The following MYOM1 variants were observed in gnomAD, a reference collection of about 807,000 sequenced individuals.
The protein encoded by MYOM1 is myomesin-1.
MYOM1 carries 164 observed loss-of-function variants against 205.3 expected under a neutral mutation model. That is an observed-to-expected ratio of 0.80 (90% CI 0.70 to 0.91). The LOEUF is 0.91. MYOM1 is among the 40% of genes least tolerant of loss of function. The pLI, the probability that MYOM1 is intolerant of heterozygous loss-of-function variation, is 0.00. For missense variants in MYOM1, 2,011 were observed against 2,127.3 expected (o/e 0.95, Z 1.08); for synonymous variants, 772 against 789.4 (o/e 0.98, Z 0.37).
chr18:3,177,445 C>CATTATTATTATTATTATTATT (rs138933689), intron 5 of MYOM1, among the ~76,000 whole-genome samples: 5 of 139,262 alleles, frequency 3.6e-5, no homozygotes, highest in Admixed American at 1.4e-4. Flanking sequence ...GAAGCAATAT[C>CATTATTATTATTATTATTATT]ATTATTATTA....
At chr18:3,112,755 G>C (rs1188145390) in intron 21 of MYOM1, among the ~76,000 whole-genome samples, 4 of 152,168 alleles carry the variant, frequency 2.6e-5, no homozygotes, top group African/African-American at 9.7e-5. Context: ...TTGGTCAAAA[G>C]GACAAAATAC....
chr18:3,089,939 C>T (rs933984907), intron 27 of MYOM1, among the ~76,000 whole-genome samples: 8 of 152,166 alleles, frequency 5.3e-5, no homozygotes, highest in East Asian at 1.9e-4. Context: ...TTAGTAGATT[C>T]GGCAGGCACT....
intron 4 of MYOM1, 29 bp downstream of exon 4, chr18:3,188,719 G>C (rs1213857791): frequency 6.6e-7 from 1 of 1,506,360 alleles, no homozygotes; most frequent in Middle Eastern, 1.8e-4. Flanking sequence ...TTCCACCTTT[G>C]TAAGTTACTT....
rs113208283 is a variant in MYOM1, at chr18:3,097,666, C to G, written c.3727+2493G>C. Among the ~76,000 whole-genome samples, 724 of 152,244 alleles carry G rather than the reference C, an allele frequency of 4.8e-3. 6 individuals carry two copies. The highest frequency in any genetic ancestry group is 0.017 in the African/African-American group (695 of 41,548). Reference sequence around the variant, plus strand: ...AAGTGATCCTCCCGCCTTGGCTTTCCTAAGTGCTGGGATTACAGGCATGAG... The same window carrying G: ...AAGTGATCCTCCCGCCTTGGCTTTCGTAAGTGCTGGGATTACAGGCATGAG... On this transcript the variant is annotated intron_variant, in intron 25 of 37. Coordinates refer to ENST00000356443, the MANE Select transcript of MYOM1 (RefSeq NM_003803.4).
At chr18:3,080,940 T>C (rs2079078067) in intron 33 of MYOM1, among the ~76,000 whole-genome samples, 1 of 152,012 alleles carries the variant, frequency 6.6e-6, no homozygotes, top group Admixed American at 6.6e-5. Context: ...GAAACCAGCC[T>C]GGCCAGCATG....
At position 3,214,923 on chromosome 18, in the gene MYOM1, G is replaced by A. The variant is rs766738417; in HGVS notation, c.290+11C>T. On this transcript the variant is annotated intron_variant, in intron 2 of 37. Transcript: ENST00000356443. ...TGAGGTTGGAAGGTTGGAGGAGGGC[G>A]TCCGACATACCCATGGGAGGAGCCA... 5.7e-6 allele frequency: 9 copies of A among 1,570,678 alleles called. No individual in the cohort carries two copies. The highest frequency in any genetic ancestry group is 1.8e-5 in the Admixed American group (1 of 56,560).
chr18:3,117,406 T>C (rs1215611910), intron 20 of MYOM1, among the ~76,000 whole-genome samples: 4 of 152,216 alleles, frequency 2.6e-5, no homozygotes, highest in Non-Finnish European at 1.5e-5. Context: ...ATCAATCCTA[T>C]GGGCCCTGCA....
intron 34 of MYOM1, among the ~76,000 whole-genome samples, chr18:3,078,099 T>G (rs1161250116): frequency 6.6e-6 from 1 of 151,960 alleles, no homozygotes; most frequent in African/African-American, 2.4e-5. Flanking sequence ...TGGAGTACAG[T>G]GGCGTGATCT....
At chr18:3,102,447 C>A in intron 23 of MYOM1, 27 bp downstream of exon 23, 1 of 1,571,984 alleles carries the variant, frequency 6.4e-7, no homozygotes, top group Non-Finnish European at 8.6e-7. Flanking sequence ...AAAGGAAACC[C>A]ATGATTGTGA....
At chr18:3,125,214 C>T (rs1470043198) in intron 19 of MYOM1, among the ~76,000 whole-genome samples, 2 of 152,078 alleles carry the variant, frequency 1.3e-5, no homozygotes, top group African/African-American at 4.8e-5. Flanking sequence ...ACCCCCTGAC[C>T]CAGCCATTCT....
chr18:3,140,528 T>A (rs2080033777), intron 14 of MYOM1, among the ~76,000 whole-genome samples: 1 of 152,376 alleles, frequency 6.6e-6, no homozygotes, highest in South Asian at 2.1e-4. Flanking sequence ...ATATCCATAT[T>A]GCATGTAGAG....
intron 5 of MYOM1, among the ~76,000 whole-genome samples, chr18:3,181,601 A>T (rs1164533482): frequency 1.3e-5 from 2 of 151,940 alleles, no homozygotes; most frequent in Admixed American, 1.3e-4. Context: ...ATAATTTGTG[A>T]GAATAGAAGA....
At chr18:3,149,063 T>C in intron 13 of MYOM1, 82 bp downstream of exon 13, 1 of 1,092,330 alleles carries the variant, frequency 9.2e-7, no homozygotes, top group Non-Finnish European at 1.4e-6. Flanking sequence ...TCTTAAGCAA[T>C]ACACACTGCA....
At chr18:3,171,639 T>G (rs1192198846) in intron 8 of MYOM1, among the ~76,000 whole-genome samples, 1 of 152,110 alleles carries the variant, frequency 6.6e-6, no homozygotes. Context: ...GGGGCAAATC[T>G]AGGATGTCTC....
Position 3,090,693 on chromosome 18 carries a change from G to A in MYOM1, c.3974C>T (p.Ala1325Val). The A allele has an allele frequency of 1.9e-6, 3 of 1,613,942 alleles. No homozygotes were observed. The highest frequency in any genetic ancestry group is 2.5e-6 in the Non-Finnish European group (3 of 1,179,864). Residue 1325 changes from alanine to valine, a missense_variant, in exon 27 of 38, where the codon GCA becomes GTA. Coordinates refer to ENST00000356443, the MANE Select transcript of MYOM1 (RefSeq NM_003803.4). ...GAGAACAACAGTAGAATGGTTAGTTGCTTTTCCATCTTGAAGCTGGAAAGT... is the reference window on the plus strand; with the variant it reads ...GAGAACAACAGTAGAATGGTTAGTTACTTTTCCATCTTGAAGCTGGAAAGT... Reference protein sequence around the residue: ...TYTFQLQDGKATNHSTVVLVG... With the variant: ...TYTFQLQDGKVTNHSTVVLVG...
intron 2 of MYOM1, among the ~76,000 whole-genome samples, chr18:3,206,997 G>GTT (rs143041934): frequency 8.6e-5 from 13 of 150,346 alleles, no homozygotes; most frequent in East Asian, 2.0e-4. Flanking sequence ...CTCACTTTCA[G>GTT]TTTTTTTTAA....
Position 3,090,779 on chromosome 18 carries a change from T to A in MYOM1, c.3888A>T (p.Arg1296=). Residue 1296 remains arginine, a synonymous_variant, in exon 27 of 38, where the codon CGA becomes CGT. Transcript: ENST00000356443. ...EGPKYKMHID[R]NTGIIEMFME... Reference sequence around the variant, plus strand: ...TGAACATTTCGATGATGCCAGTGTTTCGGTCAATATGCATTTTATATTTCT... The same window carrying A: ...TGAACATTTCGATGATGCCAGTGTTACGGTCAATATGCATTTTATATTTCT... 6.2e-7 allele frequency: 1 copy of A among 1,613,972 alleles called. No homozygotes were observed.
upstream of MYOM1, chr18:3,220,225 G>A (rs2144278879): frequency 6.6e-6 from 1 of 152,090 alleles, no homozygotes; most frequent in South Asian, 2.1e-4. Flanking sequence ...AGAGTGGTTT[G>A]TGTTAACAGC....
intron 5 of MYOM1, among the ~76,000 whole-genome samples, chr18:3,181,119 C>T (rs992205109): frequency 6.6e-6 from 1 of 152,166 alleles, no homozygotes; most frequent in East Asian, 1.9e-4. Context: ...TAGACATGGG[C>T]TTTCACCATG....
Sources: allele counts gnomAD v4.1 joint callset (sites outside exome capture counted in the v4.1 genomes callset), GRCh38; gene constraint gnomAD v4.1.1; transcripts MANE v1.5; gene names NCBI Gene and HGNC (gene_info 2026-07-23, HGNC 2026-07-21).